Variants in WASF2 observed in about 807,000 individuals in gnomAD.
WASF2 encodes WASP family member 2, also known as actin-binding protein WASF2.
WASF2 carries 14 observed loss-of-function variants against 45.0 expected under a neutral mutation model. That is an observed-to-expected ratio of 0.31 (90% CI 0.21 to 0.49). The LOEUF (loss-of-function observed/expected upper bound fraction) is 0.49. Ranked by LOEUF, WASF2 falls within the 20% of genes least tolerant of loss-of-function variation. The pLI is 0.99. For missense variants in WASF2, 439 were observed against 636.1 expected, an observed-to-expected ratio of 0.69 and a Z score of 3.33; for synonymous variants, 200 against 236.3, an observed-to-expected ratio of 0.85 and a Z score of 1.41.
chr1:27,452,779 G>C (rs752844050), intron 1 of WASF2, among the ~76,000 whole-genome samples: 2 of 151,576 alleles, frequency 1.3e-5, no homozygotes, highest in African/African-American at 2.4e-5. Flanking sequence ...TCACACCACC[G>C]CACTCCAGCC....
At chr1:27,436,992 T>C (rs190392703) in intron 1 of WASF2, among the ~76,000 whole-genome samples, 5 of 152,332 alleles carry the variant, frequency 3.3e-5, no homozygotes, top group South Asian at 2.1e-4. Context: ...TTTAAGACAG[T>C]AGCTGAGGAA....
In WASF2 at chr1:27,414,250, G is replaced by A. The variant is rs532193336; in HGVS notation, c.668+583C>T. ...AAACCTCCAGTGTGATTTGGTATTGGGAAATGGGGTCAGACTGACACCTCT... is the reference window on the plus strand; with the variant it reads ...AAACCTCCAGTGTGATTTGGTATTGAGAAATGGGGTCAGACTGACACCTCT... On this transcript the variant is annotated intron_variant, in intron 6 of 8. Coordinates refer to ENST00000618852, the MANE Select transcript of WASF2 (RefSeq NM_006990.5). This position sits in a 1 kb window ranked among gnomAD's most constrained non-coding sequence, Gnocchi z 4.1. Among the ~76,000 whole-genome samples, 116 of 152,246 alleles carry A rather than the reference G, an allele frequency of 7.6e-4. No individual in the cohort carries two copies. The highest frequency in any genetic ancestry group is 2.6e-3 in the African/African-American group (109 of 41,532).
chr1:27,428,661 G>C, intron 2 of WASF2, 100 bp downstream of exon 2: 2 of 1,583,680 alleles, frequency 1.3e-6, no homozygotes, highest in Non-Finnish European at 1.7e-6. Flanking sequence ...ACCTAGGGAA[G>C]GCAGATGGGG....
rs549996858 is a variant in WASF2 at position 27,466,939 on chromosome 1, G to A, written c.-44+23047C>T. ...AAATAATAAGACTTTTCAGGCTGGG[G>A]TGCGGTGGCTCACACTGGTAATCCT... On this transcript the variant is annotated intron_variant, in intron 1 of 8. Coordinates refer to ENST00000618852, the MANE Select transcript of WASF2 (RefSeq NM_006990.5). Among the ~76,000 whole-genome samples, 7 of 152,090 alleles carry A rather than the reference G, an allele frequency of 4.6e-5. No homozygotes were observed. The East Asian group carries it at 1.3e-3, about 29-fold the overall frequency.
intron 2 of WASF2, among the ~76,000 whole-genome samples, chr1:27,423,855 T>C (rs2016940849): frequency 6.6e-6 from 1 of 152,068 alleles, no homozygotes; most frequent in Admixed American, 6.6e-5. Flanking sequence ...TGAGTGGGAG[T>C]CTTGGAGCTC....
At chr1:27,464,350 C>T (rs1283023225) in intron 1 of WASF2, among the ~76,000 whole-genome samples, 2 of 151,946 alleles carry the variant, frequency 1.3e-5, no homozygotes, top group African/African-American at 4.8e-5. Flanking sequence ...CACACCATTG[C>T]ACTCTAGCCT....
At chr1:27,424,669 C>T (rs1236908970) in intron 2 of WASF2, among the ~76,000 whole-genome samples, 6 of 152,082 alleles carry the variant, frequency 3.9e-5, no homozygotes, top group Non-Finnish European at 5.9e-5. Context: ...TACAGGCACA[C>T]GCCACCACAC....
At chr1:27,479,819 G>T (rs1163862889) in intron 1 of WASF2, among the ~76,000 whole-genome samples, 1 of 152,160 alleles carries the variant, frequency 6.6e-6, no homozygotes, top group East Asian at 1.9e-4. Flanking sequence ...GAGCCAAGAT[G>T]GCGCCACTAC....
intron 1 of WASF2, among the ~76,000 whole-genome samples, chr1:27,474,058 G>C (rs904910583): frequency 6.6e-6 from 1 of 152,168 alleles, no homozygotes; most frequent in Non-Finnish European, 1.5e-5. Flanking sequence ...TGGGGAGAAC[G>C]TGCAAACTAC....
intron 1 of WASF2, among the ~76,000 whole-genome samples, chr1:27,432,647 C>CAAA (rs558826790): frequency 0.73 from 37,697 of 51,452 alleles, 14,970 homozygotes; most frequent in Non-Finnish European, 0.82. Context: ...AACTCTGTCT[C>CAAA]AAAAAAAAAA....
At chr1:27,473,339 G>T (rs1269209922) in intron 1 of WASF2, among the ~76,000 whole-genome samples, 3 of 151,170 alleles carry the variant, frequency 2.0e-5, no homozygotes, top group African/African-American at 7.3e-5. Context: ...AATTAGCCGG[G>T]CGTGGTGGCA....
chr1:27,421,713 G>C (rs191129565), intron 2 of WASF2, among the ~76,000 whole-genome samples: 140 of 152,316 alleles, frequency 9.2e-4, no homozygotes, highest in Non-Finnish European at 1.8e-3. Context: ...CTACTCAGGA[G>C]GCTGAGGCAG....
chr1:27,428,016 T>C (rs960911326), intron 2 of WASF2, among the ~76,000 whole-genome samples: 2 of 152,162 alleles, frequency 1.3e-5, no homozygotes, highest in Admixed American at 6.5e-5. Context: ...GTCTCATTCA[T>C]TCTTGCCAAT....
chr1:27,484,277 C>T (rs2017893752), intron 1 of WASF2, among the ~76,000 whole-genome samples: 2 of 152,130 alleles, frequency 1.3e-5, no homozygotes, highest in South Asian at 2.1e-4. Context: ...CTAAGAGTAG[C>T]CTGAGTTTTG....
At chr1:27,462,085 C>T (rs2017553583) in intron 1 of WASF2, among the ~76,000 whole-genome samples, 1 of 150,498 alleles carries the variant, frequency 6.6e-6, no homozygotes, top group Admixed American at 6.7e-5. Context: ...TGAAGCAATT[C>T]TCCTGCCTCA....
In WASF2 at chr1:27,485,134, GA is replaced by G. The variant is rs372214463; in HGVS notation, c.-44+4851del. ...CATTGTACTCCAGGCTGGGCAATAA[GA>G]GCGAAACTTGGTCTCAAAAAAAAAA... On this transcript the variant is annotated intron_variant, in intron 1 of 8. Coordinates refer to ENST00000618852, the MANE Select transcript of WASF2 (RefSeq NM_006990.5). Among the ~76,000 whole-genome samples the G allele has an allele frequency of 1.8e-4, 27 of 151,948 alleles. 1 individual carries two copies. The Middle Eastern group carries it at 0.01, about 57-fold the overall frequency.
At chr1:27,432,251 G>A (rs528762897) in intron 1 of WASF2, among the ~76,000 whole-genome samples, 1 of 152,214 alleles carries the variant, frequency 6.6e-6, no homozygotes, top group African/African-American at 2.4e-5. Flanking sequence ...TCTTAGGTTA[G>A]CACCCTGACT....
At chr1:27,413,395 C>G (rs1250532450) in intron 6 of WASF2, among the ~76,000 whole-genome samples, 1 of 152,144 alleles carries the variant, frequency 6.6e-6, no homozygotes, top group Non-Finnish European at 1.5e-5. Flanking sequence ...TTCAAACAAG[C>G]ACAAATACAC....
At chr1:27,488,287 CT>C (rs2017973906) in intron 1 of WASF2, among the ~76,000 whole-genome samples, 1 of 152,180 alleles carries the variant, frequency 6.6e-6, no homozygotes, top group African/African-American at 2.4e-5. Flanking sequence ...TTGCACCCAA[CT>C]ACCGCCTACC....
Sources: gnomAD v4.1 joint callset for allele counts (sites outside exome capture counted in the v4.1 genomes callset) on GRCh38, gnomAD v4.1.1 for gene constraint, Gnocchi (gnomAD v3.1) non-coding constraint, MANE v1.5 for transcripts, NCBI Gene and HGNC (gene_info 2026-07-23, HGNC 2026-07-21) for gene names.